The following MYO5A variants were observed in gnomAD, a reference collection of about 807,000 sequenced individuals.
MYO5A encodes the protein unconventional myosin-Va.
Under a neutral mutation model 249.7 loss-of-function variants are expected in MYO5A, and 98 were observed. The ratio of observed to expected loss-of-function variants is 0.39; its 90% CI spans 0.33 to 0.46. MYO5A has a LOEUF of 0.46. Among genes scored for constraint, MYO5A ranks in the 20% least tolerant of loss-of-function variants. MYO5A has a pLI of 0.98. For synonymous variants in MYO5A, 778 were observed against 810.6 expected, an observed-to-expected ratio of 0.96 and a Z score of 0.68; for missense variants, 1,696 against 2,308.8, an observed-to-expected ratio of 0.73 and a Z score of 5.44.
chr15:52,466,517 G>A (rs1199120206), intron 1 of MYO5A, among the ~76,000 whole-genome samples: 3 of 152,172 alleles, frequency 2.0e-5, no homozygotes, highest in African/African-American at 7.2e-5. Flanking sequence ...GTTGAGATGG[G>A]GGCATGAACC....
Position 52,372,293 on chromosome 15 carries a change from T to C in MYO5A, c.2648A>G (p.Lys883Arg), listed in dbSNP as rs377417175. 13 of 1,610,342 alleles carry C rather than the reference T, an allele frequency of 8.1e-6. No homozygotes were observed. The Admixed American group carries it at 8.3e-5, about 10-fold the overall frequency. The change falls in exon 21 of 42, where the codon AAG (lysine) becomes AGG (arginine). Residue 883 changes from lysine (K) to arginine (R), a missense_variant. Coordinates refer to ENST00000399233, the MANE Select transcript of MYO5A (RefSeq NM_001382347.1). ...VRGWLARTHY[K>R]RSMHAIIYLQ... The stretch of plus-strand genomic sequence containing the variant: ...GTAGATGATGGCATGCATGCTCCTC[T>C]TGTAGTGTGTGCGGGCCAGCCAGCC...
At chr15:52,496,994 C>T (rs900999060) in intron 1 of MYO5A, among the ~76,000 whole-genome samples, 1 of 152,112 alleles carries the variant, frequency 6.6e-6, no homozygotes, top group Non-Finnish European at 1.5e-5. Context: ...AGTCATCTTG[C>T]TCTGTCACCC....
Position 52,330,254 on chromosome 15 carries a change from T to C in MYO5A, c.4555+99A>G, listed in dbSNP as rs868631763. On this transcript the variant is annotated intron_variant, in intron 35 of 41. Coordinates refer to ENST00000399233, the MANE Select transcript of MYO5A (RefSeq NM_001382347.1). ...ATACATGGTATCTGATGATGACTAA[T>C]GAAACCTACGCTGAATATCTCAAAA... The C allele has an allele frequency of 8.7e-6, 13 of 1,490,890 alleles. No homozygotes were observed. In the African/African-American group the frequency reaches 1.5e-4, roughly 17 times the overall value. The allele number at this position is 1,490,890 out of a possible 1,614,324, so 92.4% of individuals were successfully genotyped here.
Position 52,321,513 on chromosome 15 carries a change from G to A in MYO5A, c.4801-4C>T, listed in dbSNP as rs982360559. The A allele has an allele frequency of 1.5e-5, 24 of 1,613,972 alleles. No homozygotes were observed. The highest frequency in any genetic ancestry group is 2.0e-5 in the Non-Finnish European group (24 of 1,179,948). On this transcript the variant is annotated splice_polypyrimidine_tract_variant and splice_region_variant and intron_variant, in intron 37 of 41. Transcript: ENST00000399233. ...ATGTGTTGTGCTTCATAAAGCCCTA[G>A]AGTCATAAGGCAAAGTTAATGATAC... is the stretch of plus-strand genomic sequence containing the variant.
At chr15:52,454,490 T>G (rs1276922063) in intron 1 of MYO5A, among the ~76,000 whole-genome samples, 1 of 152,148 alleles carries the variant, frequency 6.6e-6, no homozygotes, top group Non-Finnish European at 1.5e-5. Context: ...ACATCAGAGT[T>G]AAACTACAGG....
At chr15:52,524,012 G>A (rs115800936) in intron 1 of MYO5A, among the ~76,000 whole-genome samples, 2,446 of 152,288 alleles carry the variant, frequency 0.016, 76 homozygotes, top group African/African-American at 0.056. Flanking sequence ...AAAAAATCTA[G>A]GCCATGTGGC....
rs150582662 is a variant in MYO5A, at chr15:52,414,737, G to C, written c.612+1408C>G. The stretch of plus-strand genomic sequence containing the variant: ...AGTCAAAACAACAACAGCAAGAAAA[G>C]AAGCCCTGTTGTTTTCTGACCCCAA... On this transcript the variant is annotated intron_variant, in intron 5 of 41. Coordinates refer to ENST00000399233, the MANE Select transcript of MYO5A (RefSeq NM_001382347.1). 2.9e-3 allele frequency among the ~76,000 whole-genome samples: 440 copies of C among 152,232 alleles called. 2 individuals carry two copies. The highest frequency in any genetic ancestry group is 0.01 in the African/African-American group (421 of 41,534).
chr15:52,432,606 C>G (rs2075565556), intron 2 of MYO5A, among the ~76,000 whole-genome samples: 1 of 152,186 alleles, frequency 6.6e-6, no homozygotes, highest in African/African-American at 2.4e-5. Flanking sequence ...ATATCACCTG[C>G]CAACCCATAG....
chr15:52,453,095 T>C (rs1243394991), intron 1 of MYO5A, among the ~76,000 whole-genome samples: 1 of 151,970 alleles, frequency 6.6e-6, no homozygotes, highest in Non-Finnish European at 1.5e-5. Flanking sequence ...ACCACATACA[T>C]TTGACCCAAA....
chr15:52,521,324 T>C (rs2077615543), intron 1 of MYO5A, among the ~76,000 whole-genome samples: 1 of 152,074 alleles, frequency 6.6e-6, no homozygotes, highest in Admixed American at 6.5e-5. Context: ...GCCTCTTCAC[T>C]GCCCTGATCA....
At chr15:52,392,165 C>T (rs1405355149) in intron 11 of MYO5A, 95 bp from the exon 12 acceptor site, 1 of 1,242,772 alleles carries the variant, frequency 8.0e-7, no homozygotes, top group Non-Finnish European at 1.1e-6. Context: ...TAATCTGTGG[C>T]TTTCAACAAC....
chr15:52,357,852 G>C (rs1383025474), intron 25 of MYO5A, among the ~76,000 whole-genome samples: 1 of 152,154 alleles, frequency 6.6e-6, no homozygotes, highest in East Asian at 1.9e-4. Context: ...AGACAGCGAA[G>C]CTTTTTAACT....
intron 1 of MYO5A, among the ~76,000 whole-genome samples, chr15:52,464,635 G>C (rs919006997): frequency 6.6e-6 from 1 of 152,198 alleles, no homozygotes; most frequent in African/African-American, 2.4e-5. Flanking sequence ...TGTGTGAAAT[G>C]AAAGTGCTTA....
intron 1 of MYO5A, among the ~76,000 whole-genome samples, chr15:52,461,701 G>A (rs766223943): frequency 5.3e-5 from 8 of 152,158 alleles, no homozygotes; most frequent in Non-Finnish European, 7.4e-5. Flanking sequence ...GGTCATTCAC[G>A]CCTGTAATCC....
intron 25 of MYO5A, among the ~76,000 whole-genome samples, chr15:52,359,591 C>G (rs868756989): frequency 3.3e-5 from 5 of 152,078 alleles, no homozygotes; most frequent in Middle Eastern, 3.4e-3. Context: ...CTGTCTACAG[C>G]GGTGGTCCAC....
intron 1 of MYO5A, among the ~76,000 whole-genome samples, chr15:52,436,945 G>A (rs2075677136): frequency 6.6e-6 from 1 of 152,168 alleles, no homozygotes; most frequent in Non-Finnish European, 1.5e-5. Flanking sequence ...AATAAAATGA[G>A]GATGACAACA....
chr15:52,333,402 T>C (rs2038977252), intron 34 of MYO5A, among the ~76,000 whole-genome samples: 1 of 152,228 alleles, frequency 6.6e-6, no homozygotes, highest in Non-Finnish European at 1.5e-5. Flanking sequence ...GAATTCCTAA[T>C]AAGTAGAAGA....
chr15:52,517,215 A>G (rs1174242431), intron 1 of MYO5A, among the ~76,000 whole-genome samples: 13 of 152,236 alleles, frequency 8.5e-5, no homozygotes, highest in Admixed American at 8.5e-4. Context: ...TCCTGCATAA[A>G]TACAAATGCT....
chr15:52,402,799 C>T (rs565067381), intron 9 of MYO5A, among the ~76,000 whole-genome samples: 29 of 151,974 alleles, frequency 1.9e-4, no homozygotes, highest in Non-Finnish European at 2.8e-4. Flanking sequence ...GAGCCAAGAT[C>T]GCATCACTGC....
Sources: allele counts gnomAD v4.1 joint callset (sites outside exome capture counted in the v4.1 genomes callset), GRCh38; gene constraint gnomAD v4.1.1; transcripts MANE v1.5; gene names NCBI Gene and HGNC (gene_info 2026-07-23, HGNC 2026-07-21).